TNIK: variants seen among roughly 807,000 people sequenced by gnomAD.
TNIK encodes TRAF2 and NCK-interacting protein kinase.
Under a neutral mutation model 191.3 loss-of-function variants are expected in TNIK, and 49 were observed. That is an observed-to-expected ratio of 0.26 (90% CI 0.20 to 0.32). The LOEUF (loss-of-function observed/expected upper bound fraction) is 0.32, where lower values mean the gene tolerates loss of function less well. TNIK is among the 10% of genes least tolerant of loss of function. The probability of loss-of-function intolerance (pLI) is 1.00; values close to 1 mark genes in which losing one functional copy is unlikely to be tolerated. For missense variants in TNIK, 1,155 were observed against 1,702.3 expected (o/e 0.68, Z 5.66); for synonymous variants, 594 against 600.9 (o/e 0.99, Z 0.17).
intron 9 of TNIK, among the ~76,000 whole-genome samples, chr3:171,169,622 TAAAAG>T (rs1002734516): frequency 1.3e-5 from 2 of 152,132 alleles, no homozygotes; most frequent in African/African-American, 4.8e-5. Context: ...GGTTGATAAA[TAAAAG>T]AAATCACATT....
chr3:171,240,827 A>G (rs1235713766), intron 2 of TNIK, among the ~76,000 whole-genome samples: 2 of 152,094 alleles, frequency 1.3e-5, no homozygotes, highest in Admixed American at 6.5e-5. Flanking sequence ...CAGTTTATTT[A>G]TTTATCATGA....
intron 12 of TNIK, among the ~76,000 whole-genome samples, chr3:171,150,350 A>C (rs765148898): frequency 5.3e-5 from 8 of 152,336 alleles, no homozygotes; most frequent in Non-Finnish European, 1.2e-4. Flanking sequence ...CAAAATTACA[A>C]AGGAAGTAAG....
chr3:171,459,051 G>A (rs570128178), intron 1 of TNIK, among the ~76,000 whole-genome samples: 1 of 152,154 alleles, frequency 6.6e-6, no homozygotes, highest in South Asian at 2.1e-4. Context: ...TTGGATTCCT[G>A]GTATTCTGAT....
At chr3:171,212,862 T>C (rs1741003336) in intron 3 of TNIK, among the ~76,000 whole-genome samples, 1 of 151,826 alleles carries the variant, frequency 6.6e-6, no homozygotes, top group African/African-American at 2.4e-5. Context: ...ACCATGCTTA[T>C]TTACTAAAAT....
At chr3:171,202,496 T>C (rs1050625092) in intron 4 of TNIK, among the ~76,000 whole-genome samples, 2 of 152,178 alleles carry the variant, frequency 1.3e-5, no homozygotes, top group Admixed American at 6.5e-5. Flanking sequence ...GGCTCAAAAG[T>C]TATCTAAAAA....
At chr3:171,289,735 C>G (rs376969535) in intron 2 of TNIK, among the ~76,000 whole-genome samples, 1 of 151,960 alleles carries the variant, frequency 6.6e-6, no homozygotes, top group African/African-American at 2.4e-5. Context: ...AACCCCGTCT[C>G]TACTAAAAAT....
At chr3:171,120,620 C>T (rs1439175767) in intron 18 of TNIK, among the ~76,000 whole-genome samples, 2 of 151,968 alleles carry the variant, frequency 1.3e-5, no homozygotes, top group Non-Finnish European at 2.9e-5. Context: ...CGCCCGGCCT[C>T]TTTTTTTAAA....
chr3:171,354,775 A>G (rs1190401186), intron 2 of TNIK, among the ~76,000 whole-genome samples: 1 of 152,244 alleles, frequency 6.6e-6, no homozygotes, highest in East Asian at 1.9e-4. Flanking sequence ...ATTCACAAAT[A>G]TATAGATTTC....
At chr3:171,132,697 C>T (rs1729472671) in intron 15 of TNIK, among the ~76,000 whole-genome samples, 1 of 152,092 alleles carries the variant, frequency 6.6e-6, no homozygotes, top group Non-Finnish European at 1.5e-5. Context: ...TAATGAATAA[C>T]ATCTACTGAG....
At chr3:171,066,807 C>A in intron 30 of TNIK, 72 bp from the exon 31 acceptor site, 1 of 1,498,920 alleles carries the variant, frequency 6.7e-7, no homozygotes, top group South Asian at 1.3e-5. Flanking sequence ...TCTCTAACAA[C>A]TGCAAAAAAG....
intron 2 of TNIK, among the ~76,000 whole-genome samples, chr3:171,346,612 C>T (rs1024025440): frequency 1.4e-4 from 21 of 152,228 alleles, no homozygotes; most frequent in East Asian, 1.9e-4. Context: ...TTTAGCACCC[C>T]ACCAGAATGT....
At chr3:171,175,746 G>A (rs1205893135) in intron 8 of TNIK, among the ~76,000 whole-genome samples, 1 of 152,112 alleles carries the variant, frequency 6.6e-6, no homozygotes, top group Non-Finnish European at 1.5e-5. Context: ...TCATTATCCC[G>A]TCTATTTCTT....
At chr3:171,224,295 C>T (rs1742719108) in intron 3 of TNIK, among the ~76,000 whole-genome samples, 1 of 152,140 alleles carries the variant, frequency 6.6e-6, no homozygotes, top group Admixed American at 6.5e-5. Context: ...TTTGGTACTA[C>T]AACCCCAAAT....
At chr3:171,110,570 G>A in intron 19 of TNIK, 144 bp downstream of exon 19, 1 of 1,068,448 alleles carries the variant, frequency 9.4e-7, no homozygotes, top group Non-Finnish European at 1.3e-6. Flanking sequence ...GAGGAGACTG[G>A]GGTTGAGAGC....
At chr3:171,176,119 T>C (rs1235536850) in intron 8 of TNIK, among the ~76,000 whole-genome samples, 1 of 152,202 alleles carries the variant, frequency 6.6e-6, no homozygotes, top group African/African-American at 2.4e-5. Context: ...ATATGCTCCC[T>C]AAAAGCCAAA....
intron 21 of TNIK, 97 bp from the exon 22 acceptor site, chr3:171,101,730 A>T: frequency 7.9e-7 from 1 of 1,262,740 alleles, no homozygotes; most frequent in South Asian, 1.4e-5. Context: ...ACAAGAAAAA[A>T]AAAAGCTCTA....
At chr3:171,094,783 CTCT>C (rs1387545643) in intron 22 of TNIK, among the ~76,000 whole-genome samples, 9 of 152,190 alleles carry the variant, frequency 5.9e-5, no homozygotes, top group Non-Finnish European at 1.2e-4. Context: ...CCAACAGCCC[CTCT>C]TCTTTTCTCT....
intron 22 of TNIK, among the ~76,000 whole-genome samples, chr3:171,099,853 T>C (rs902880902): frequency 1.3e-5 from 2 of 152,184 alleles, no homozygotes; most frequent in African/African-American, 4.8e-5. Context: ...ACACCATTAA[T>C]AGCCTTGCAA....
intron 22 of TNIK, among the ~76,000 whole-genome samples, chr3:171,099,935 C>T (rs1723228327): frequency 6.6e-6 from 1 of 152,156 alleles, no homozygotes; most frequent in Admixed American, 6.6e-5. Context: ...TTTATATTAG[C>T]CTGCAGTTTT....
Sources: gnomAD v4.1 joint callset for allele counts (sites outside exome capture counted in the v4.1 genomes callset) on GRCh38, gnomAD v4.1.1 for gene constraint, MANE v1.5 for transcripts, NCBI Gene and HGNC (gene_info 2026-07-23, HGNC 2026-07-21) for gene names.